ACAD10: variants seen among roughly 807,000 people sequenced by gnomAD.
The protein encoded by ACAD10 is acyl-CoA dehydrogenase family member 10, also known as ACAD-10.
In ACAD10, 112 loss-of-function variants were observed where a neutral mutation model predicts 116.8. The observed-to-expected ratio is 0.96, with a 90% CI of 0.82 to 1.12. The LOEUF is 1.12. ACAD10 is among the 50% of genes most tolerant of loss of function. The pLI is 0.00. For synonymous variants in ACAD10, 486 were observed against 510.6 expected (o/e 0.95, Z 0.65); for missense variants, 1,259 against 1,350.2 (o/e 0.93, Z 1.06).
At chr12:111,721,325 T>C (rs1889006434) in intron 7 of ACAD10, among the ~76,000 whole-genome samples, 1 of 152,070 alleles carries the variant, frequency 6.6e-6, no homozygotes, top group African/African-American at 2.4e-5. Flanking sequence ...CCCAGGACTT[T>C]GGGAGGCCGG....
intron 6 of ACAD10, among the ~76,000 whole-genome samples, chr12:111,714,592 G>GC (rs968417767): frequency 6.6e-6 from 1 of 152,042 alleles, no homozygotes; most frequent in African/African-American, 2.4e-5. Flanking sequence ...ATCCCAGGAA[G>GC]CAGAGGTTGC....
chr12:111,730,330 A>G (rs1889350736), intron 10 of ACAD10, among the ~76,000 whole-genome samples: 1 of 152,154 alleles, frequency 6.6e-6, no homozygotes, highest in Non-Finnish European at 1.5e-5. Flanking sequence ...GGCAGAGTCT[A>G]TGGCCATACC....
chr12:111,705,421 C>T (rs1888470758), intron 3 of ACAD10, among the ~76,000 whole-genome samples: 1 of 152,090 alleles, frequency 6.6e-6, no homozygotes, highest in South Asian at 2.1e-4. Context: ...TTAGATCTCA[C>T]TTTGTTGCCC....
chr12:111,686,953 C>T (rs1261346155), intron 1 of ACAD10, among the ~76,000 whole-genome samples: 1 of 152,132 alleles, frequency 6.6e-6, no homozygotes, highest in African/African-American at 2.4e-5. Flanking sequence ...ATAAAGTTGG[C>T]ATGATATCAT....
At chr12:111,741,444 C>T (rs936308953) in intron 12 of ACAD10, among the ~76,000 whole-genome samples, 1 of 152,194 alleles carries the variant, frequency 6.6e-6, no homozygotes, top group Non-Finnish European at 1.5e-5. Flanking sequence ...GTGTCCTCAG[C>T]CTGTCTCTCA....
chr12:111,741,188 A>G (rs946177901), intron 12 of ACAD10, among the ~76,000 whole-genome samples: 1 of 152,182 alleles, frequency 6.6e-6, no homozygotes, highest in South Asian at 2.1e-4. Flanking sequence ...TGGAAACAAT[A>G]TTTTCCCTCT....
rs543918131 is a variant in ACAD10 at position 111,741,516 on chromosome 12, C to T, written c.1715-3127C>T. Among the ~76,000 whole-genome samples the T allele has an allele frequency of 1.9e-4, 29 of 152,274 alleles. No homozygotes were observed. The South Asian group carries it at 4.8e-3, about 25-fold the overall frequency. On this transcript the variant is annotated intron_variant, in intron 12 of 20. Coordinates refer to ENST00000313698, the MANE Select transcript of ACAD10 (RefSeq NM_025247.6). ...CATCGTTGTGGCTTCTGGTTTCTCTCGGCCCAGAGCTAAAACACCCCACCT... is the reference window on the plus strand; with the variant it reads ...CATCGTTGTGGCTTCTGGTTTCTCTTGGCCCAGAGCTAAAACACCCCACCT...
At chr12:111,738,446 CAAAA>C (rs752828322) in intron 12 of ACAD10, among the ~76,000 whole-genome samples, 4 of 49,520 alleles carry the variant, frequency 8.1e-5, no homozygotes, top group Non-Finnish European at 8.6e-5. Context: ...GACTCTGTCT[CAAAA>C]AAAAAAAAAA....
intron 8 of ACAD10, 103 bp from the exon 9 acceptor site, chr12:111,727,859 C>T: frequency 8.1e-7 from 1 of 1,234,160 alleles, no homozygotes; most frequent in South Asian, 1.5e-5. Flanking sequence ...TTCACCAGCT[C>T]TCAACCTGTA....
At chr12:111,733,220 C>T (rs1041173778) in intron 10 of ACAD10, among the ~76,000 whole-genome samples, 1 of 152,148 alleles carries the variant, frequency 6.6e-6, no homozygotes, top group Admixed American at 6.6e-5. Flanking sequence ...ACCTTAGCCT[C>T]CTGAGTAGCT....
chr12:111,707,194 A>G lies in ACAD10; in HGVS notation c.531+1262A>G, dbSNP rs192982995. ...ATCCTCCACCTCCTGGGCTCAAGCA[A>G]TTCTCGTGCCTCAGCCTCCTAGTAG... On this transcript the variant is annotated intron_variant, in intron 4 of 20. Transcript: ENST00000313698. Among the ~76,000 whole-genome samples the G allele has an allele frequency of 1.4e-4, 21 of 151,046 alleles. No individual in the cohort carries two copies. The East Asian group carries it at 3.3e-3, about 24-fold the overall frequency.
chr12:111,718,069 A>ATTTTTTTT (rs1888898848), intron 7 of ACAD10, among the ~76,000 whole-genome samples: 1 of 32,456 alleles, frequency 3.1e-5, no homozygotes, highest in African/African-American at 1.6e-4. Context: ...TTTTTTTTTG[A>ATTTTTTTT]AATGGAGTCT....
intron 2 of ACAD10, among the ~76,000 whole-genome samples, chr12:111,696,352 C>G (rs1289275435): frequency 6.6e-6 from 1 of 152,120 alleles, no homozygotes; most frequent in Non-Finnish European, 1.5e-5. Context: ...CATGCCTCAC[C>G]TGCTGTCTGT....
chr12:111,727,767 C>T (rs1230829232), intron 8 of ACAD10, among the ~76,000 whole-genome samples, 195 bp from the exon 9 acceptor site: 1 of 151,954 alleles, frequency 6.6e-6, no homozygotes, highest in Non-Finnish European at 1.5e-5. Context: ...GTGGATCGAT[C>T]CATTGCAAGA....
At chr12:111,730,775 A>G (rs1282106118) in intron 10 of ACAD10, among the ~76,000 whole-genome samples, 2 of 147,184 alleles carry the variant, frequency 1.4e-5, no homozygotes, top group African/African-American at 5.0e-5. Flanking sequence ...TTTTTTAGAC[A>G]TCGTCTCACT....
At chr12:111,750,678 AC>A (rs902546958) in intron 18 of ACAD10, among the ~76,000 whole-genome samples, 5 of 151,884 alleles carry the variant, frequency 3.3e-5, no homozygotes, top group Admixed American at 1.3e-4. Context: ...GGCCTGTACC[AC>A]CCTCCTCCAC....
rs919639553 is a variant in ACAD10, at chr12:111,730,057, C to T, written c.1394+101C>T. On this transcript the variant is annotated intron_variant, in intron 10 of 20. Coordinates refer to ENST00000313698, the MANE Select transcript of ACAD10 (RefSeq NM_025247.6). ...TGCAATTTACAGCTGGGAATTATTC[C>T]TATTACAAAGCACCTGTCTGTGTGT... The T allele has an allele frequency of 1.4e-5, 21 of 1,455,264 alleles. 1 individual carries two copies. Among genetic ancestry groups the T allele is most frequent in the Middle Eastern group, 2.4e-4 (1 of 4,134 alleles). 90.1% of individuals were successfully genotyped at this position (1,455,264 alleles called of 1,614,324 possible).
At chr12:111,722,165 G>A (rs1015648103) in intron 8 of ACAD10, among the ~76,000 whole-genome samples, 2 of 152,078 alleles carry the variant, frequency 1.3e-5, no homozygotes, top group Non-Finnish European at 2.9e-5. Context: ...GGGTTCAAGT[G>A]ATTCTGCTGC....
chr12:111,689,484 G>A (rs1040074819), intron 1 of ACAD10, among the ~76,000 whole-genome samples: 2 of 151,868 alleles, frequency 1.3e-5, no homozygotes, highest in Non-Finnish European at 2.9e-5. Context: ...TGATTCTCAT[G>A]TCCCAGCCTC....
Sources: gnomAD v4.1 joint callset for allele counts (sites outside exome capture counted in the v4.1 genomes callset) on GRCh38, gnomAD v4.1.1 for gene constraint, MANE v1.5 for transcripts, NCBI Gene and HGNC (gene_info 2026-07-23, HGNC 2026-07-21) for gene names.